LPCAT4: variants seen among roughly 807,000 people sequenced by gnomAD.
LPCAT4 encodes the protein lysophospholipid acyltransferase LPCAT4.
A neutral mutation model predicts 66.5 loss-of-function variants in LPCAT4; 30 were observed. The observed-to-expected ratio is 0.45, with a 90% CI of 0.34 to 0.61. The LOEUF is 0.61. Among genes scored for constraint, LPCAT4 ranks in the 20% least tolerant of loss-of-function variants. The pLI is 0.01. For missense variants in LPCAT4, 557 were observed against 656.7 expected (o/e 0.85, Z 1.66); for synonymous variants, 253 against 262.1 (o/e 0.97, Z 0.34).
rs1890941445 is a variant in LPCAT4 at position 34,361,491 on chromosome 15, C to T, written c.1052G>A (p.Arg351Gln). 5 of 1,614,082 alleles carry T rather than the reference C, an allele frequency of 3.1e-6. No homozygotes were observed. The highest frequency in any genetic ancestry group is 1.6e-4 in the Middle Eastern group (1 of 6,062). The change falls in exon 11 of 14, where the codon CGG (arginine) becomes CAG (glutamine). Residue 351 changes from arginine to glutamine, a missense_variant. By Grantham distance (43) the Arg-to-Gln change is conservative. Transcript: ENST00000314891. ...CTCTTCCTGGCTGATCATTCGACTC[C>T]GGCCTGGCTCTGCCCCAGCGTCCAC... ...GYVDAGAEPG[R>Q]SRMISQEEFA... is the part of the protein sequence containing the mutation.
intron 1 of LPCAT4, among the ~76,000 whole-genome samples, chr15:34,366,496 G>T (rs1159236013): frequency 7.2e-5 from 11 of 152,088 alleles, no homozygotes; most frequent in Non-Finnish European, 1.0e-4. Flanking sequence ...TGCAGTGCGG[G>T]GTGGAGGGGG....
Position 34,358,910 on chromosome 15 carries a change from G to T in LPCAT4, c.*217C>A, listed in dbSNP as rs1158915516. 4.8e-6 allele frequency: 1 copy of T among 207,482 alleles called. No individual in the cohort carries two copies. Among genetic ancestry groups the T allele is most frequent in the East Asian group, 1.0e-4 (1 of 9,616 alleles). The allele number at this position is 207,482 out of a possible 1,614,324, so 12.9% of individuals were successfully genotyped here. On this transcript the variant is annotated 3_prime_UTR_variant, in exon 14 of 14. Coordinates refer to ENST00000314891, the MANE Select transcript of LPCAT4 (RefSeq NM_153613.3). ...AAGTAATGGTAACATCAATATGACT[G>T]GACTTCATTTTTTTTAATAGATATA...
chr15:34,365,488 T>C (rs1891055103), intron 2 of LPCAT4, 71 bp downstream of exon 2: 2 of 1,592,010 alleles, frequency 1.3e-6, no homozygotes, highest in African/African-American at 2.7e-5. Context: ...TCTTTTCTTC[T>C]TCTCAAAGAG....
chr15:34,364,772 A>G (rs1891036875), intron 3 of LPCAT4: 5 of 502,412 alleles, frequency 1.0e-5, no homozygotes, highest in Non-Finnish European at 1.8e-5. Flanking sequence ...TTGCCCTGGG[A>G]CAATCCCTTT....
rs1396347912 is a variant in LPCAT4 at position 34,363,076 on chromosome 15, GAA to G, written c.747-242_747-241del. On this transcript the variant is annotated intron_variant, in intron 7 of 13. Coordinates refer to ENST00000314891, the MANE Select transcript of LPCAT4 (RefSeq NM_153613.3). The surrounding 1 kb of genome is among the most constrained non-coding windows in gnomAD (Gnocchi z 4.3). ...GAGCTGCATGGATATGCCAGAGGAA[GAA>G]CTGTAGGCAAGAGGAGGTTTGAGTA... is the stretch of plus-strand genomic sequence containing the variant. Among the ~76,000 whole-genome samples the G allele has an allele frequency of 3.3e-5, 5 of 152,284 alleles. No homozygotes were observed. Among genetic ancestry groups the G allele is most frequent in the Non-Finnish European group, 7.4e-5 (5 of 68,024 alleles).
At chr15:34,366,581 C>T (rs1237134437) in intron 1 of LPCAT4, among the ~76,000 whole-genome samples, 1 of 152,050 alleles carries the variant, frequency 6.6e-6, no homozygotes, top group African/African-American at 2.4e-5. Context: ...CGTCTTCCCT[C>T]TAAGTCATGC....
chr15:34,364,829 C>T (rs528453532), intron 3 of LPCAT4, 179 bp downstream of exon 3: 2 of 604,922 alleles, frequency 3.3e-6, no homozygotes, highest in Middle Eastern at 8.8e-4. Context: ...CCTCCAACAC[C>T]TTCTCTCTGT....
Position 34,360,083 on chromosome 15 carries a change from A to G in LPCAT4, c.1242+28T>C. ...AGCGGGGTGAGCATAGCCACTAAGCACCCCCCACCACCGCCACCCCCCATT... is the reference window on the plus strand; with the variant it reads ...AGCGGGGTGAGCATAGCCACTAAGCGCCCCCCACCACCGCCACCCCCCATT... On this transcript the variant is annotated intron_variant, in intron 12 of 13. Transcript: ENST00000314891. The G allele has an allele frequency of 5.1e-5, 50 of 978,712 alleles. 1 individual carries two copies. The highest frequency in any genetic ancestry group is 4.2e-4 in the Middle Eastern group (2 of 4,740). The allele number at this position is 978,712 out of a possible 1,614,324, so 60.6% of individuals were successfully genotyped here.
rs1009386154 is a variant in LPCAT4 at position 34,364,608 on chromosome 15, CGCCCG to C, written c.479-307_479-303del. The C allele has an allele frequency of 4.8e-3, 352 of 73,464 alleles. 1 individual carries two copies. Among genetic ancestry groups the C allele is most frequent in the Non-Finnish European group, 7.6e-3 (309 of 40,548 alleles). The allele number at this position is 73,464 out of a possible 1,614,324, so 4.6% of individuals were successfully genotyped here. ...CCGGCTAATTTTTTTTTTTTTTTTA[CGCCCG>C]GCTACTTTTTTTGTATTTTTAGTAG... is the stretch of plus-strand genomic sequence containing the variant. On this transcript the variant is annotated intron_variant, in intron 3 of 13. Coordinates refer to ENST00000314891, the MANE Select transcript of LPCAT4 (RefSeq NM_153613.3).
Position 34,367,108 on chromosome 15 carries a change from G to A in LPCAT4, c.-8C>T, listed in dbSNP as rs953188310. 5.2e-6 allele frequency: 8 copies of A among 1,537,570 alleles called. No individual in the cohort carries two copies. Among genetic ancestry groups the A allele is most frequent in the Non-Finnish European group, 7.0e-6 (8 of 1,140,858 alleles). ...CGGACTTCCCTGGCTCATGGCGGGAGAAGGTGGGAGGGAGGGCACCCCGGC... is the reference window on the plus strand; with the variant it reads ...CGGACTTCCCTGGCTCATGGCGGGAAAAGGTGGGAGGGAGGGCACCCCGGC... On this transcript the variant is annotated 5_prime_UTR_variant, in exon 1 of 14. Coordinates refer to ENST00000314891, the MANE Select transcript of LPCAT4 (RefSeq NM_153613.3).
Position 34,362,848 on chromosome 15 carries a change from G to A in LPCAT4, c.747-12C>T, listed in dbSNP as rs751729143. On this transcript the variant is annotated splice_polypyrimidine_tract_variant and intron_variant, in intron 7 of 13. Transcript: ENST00000314891. ...AGAGGACTTTGAGTCTAAGAGAAGA[G>A]AGATTTCGATACTCACCAATCTCTA... 1 of 1,613,902 alleles carries A rather than the reference G, an allele frequency of 6.2e-7. No homozygotes were observed. The highest frequency in any genetic ancestry group is 8.5e-7 in the Non-Finnish European group (1 of 1,179,826).
In LPCAT4 at chr15:34,367,037, G is replaced by A. The variant is rs746490025; in HGVS notation, c.64C>T (p.Pro22Ser). 15 of 1,564,384 alleles carry A rather than the reference G, an allele frequency of 9.6e-6. No homozygotes were observed. The highest frequency in any genetic ancestry group is 1.3e-5 in the Non-Finnish European group (15 of 1,153,844). Residue 22 changes from proline (P) to serine (S), a missense_variant, in exon 1 of 14, where the codon CCC (proline) becomes TCC (serine). Pro to Ser is a moderately conservative substitution (Grantham distance 74, BLOSUM62 -1). Around this residue, in one of 4 missense-constraint regions of LPCAT4, gnomAD observed 94 missense variants for 71.5 expected, o/e 1.32. Transcript: ENST00000314891. ...TGTAACTCATGCACGAAGGGGTTGG[G>A]GGATGCTGGGGGTCCGGGGGTGGGA... ...LDPTPGPPAS[P>S]NPFVHELHLS...
intron 11 of LPCAT4, 193 bp downstream of exon 11, chr15:34,361,207 T>C: frequency 1.4e-6 from 2 of 1,462,682 alleles, no homozygotes; most frequent in Non-Finnish European, 9.0e-7. Flanking sequence ...GATGATAACA[T>C]TGCTCTTCAA....
chr15:34,359,796 C>T (rs753885077), intron 12 of LPCAT4, 51 bp from the exon 13 acceptor site: 30 of 1,536,614 alleles, frequency 2.0e-5, no homozygotes, highest in Non-Finnish European at 2.6e-5. Context: ...GCCATGGCCT[C>T]ACCCTGCCCC....
At position 34,361,413 on chromosome 15, in the gene LPCAT4, C is replaced by A. The variant is rs2140166239; in HGVS notation, c.1130G>T (p.Gly377Val). Reference sequence around the variant, plus strand: ...CAGCTCCTTTACCTGCTGGAAGTAGCCAAAGGCACCAGCCACCGTCTGAGG... The same window carrying A: ...CAGCTCCTTTACCTGCTGGAAGTAGACAAAGGCACCAGCCACCGTCTGAGG... ...SDPQTVAGAF[G>V]YFQQDTKGLV... The change falls in exon 11 of 14, where the codon GGC (glycine) becomes GTC (valine). Residue 377 changes from glycine to valine, a missense_variant. Transcript: ENST00000314891. The A allele has an allele frequency of 1.2e-6, 2 of 1,614,158 alleles. No individual in the cohort carries two copies. The highest frequency in any genetic ancestry group is 1.7e-6 in the Non-Finnish European group (2 of 1,180,036).
intron 13 of LPCAT4, 102 bp downstream of exon 13, chr15:34,359,487 C>A: frequency 6.9e-7 from 1 of 1,449,358 alleles, no homozygotes. Context: ...GTTCTGATCT[C>A]CAGCACTGGC....
Position 34,363,357 on chromosome 15 carries a change from A to G in LPCAT4, c.746+65T>C. The G allele has an allele frequency of 6.4e-7, 1 of 1,551,064 alleles. No homozygotes were observed. Among genetic ancestry groups the G allele is most frequent in the Non-Finnish European group, 8.8e-7 (1 of 1,136,064 alleles). ...ATTCACCTTGTCGGGAGATTGGAAG[A>G]TGGGCCAGGAATTCTCTGATGGACC... On this transcript the variant is annotated intron_variant, in intron 7 of 13. Coordinates refer to ENST00000314891, the MANE Select transcript of LPCAT4 (RefSeq NM_153613.3). The surrounding 1 kb of genome is among the most constrained non-coding windows in gnomAD (Gnocchi z 4.3).
At chr15:34,360,076 A>G in intron 12 of LPCAT4, 35 bp downstream of exon 12, 1 of 1,502,986 alleles carries the variant, frequency 6.7e-7, no homozygotes, top group Non-Finnish European at 9.2e-7. Flanking sequence ...GAGCATAGCC[A>G]CTAAGCACCC....
rs893997116 is a variant in LPCAT4, at chr15:34,362,969, C to A, written c.747-133G>T. 4 of 831,510 alleles carry A rather than the reference C, an allele frequency of 4.8e-6. No individual in the cohort carries two copies. The Admixed American group carries it at 8.4e-5, about 17-fold the overall frequency. The allele number at this position is 831,510 out of a possible 1,614,324, so 51.5% of individuals were successfully genotyped here. The stretch of plus-strand genomic sequence containing the variant: ...TCTGCCCATTGATAATAGGGACAGA[C>A]TCCTAGCCATACAGTCAGGTGGGTG... On this transcript the variant is annotated intron_variant, in intron 7 of 13. Transcript: ENST00000314891.
Sources: allele counts gnomAD v4.1 joint callset (sites outside exome capture counted in the v4.1 genomes callset), GRCh38; gene constraint gnomAD v4.1.1; regional missense constraint gnomAD v4.1.1; non-coding constraint Gnocchi (gnomAD v3.1); transcripts MANE v1.5; gene names NCBI Gene and HGNC (gene_info 2026-07-23, HGNC 2026-07-21).